The following DNAJC8 variants were observed in gnomAD, a reference collection of about 807,000 sequenced individuals.
DNAJC8 encodes dnaJ homolog subfamily C member 8.
DNAJC8 carries 24 observed loss-of-function variants against 43.2 expected under a neutral mutation model. The observed-to-expected ratio is 0.56, with a 90% CI of 0.40 to 0.78. DNAJC8 has a LOEUF of 0.78. Among genes scored for constraint, DNAJC8 ranks in the 30% least tolerant of loss-of-function variants. The pLI is 0.00. For synonymous variants in DNAJC8, 83 were observed against 98.0 expected (o/e 0.85, Z 0.90); for missense variants, 207 against 299.4 (o/e 0.69, Z 2.28).
chr1:28,205,263 A>G lies in DNAJC8; in HGVS notation c.558T>C (p.His186=). The part of the protein sequence containing the change: ...KRKEREAKEM[H]ERKRQREEEI... ...ATGAATATACTGATATGTACCTTTC[A>G]TGCATCTCTTTGGCTTCTCTCTCTT... is the stretch of plus-strand genomic sequence containing the variant. Residue 186 remains histidine, a synonymous_variant, in exon 7 of 9, where the codon CAT becomes CAC. Transcript: ENST00000263697. 1.2e-6 allele frequency: 2 copies of G among 1,610,348 alleles called. No homozygotes were observed. The highest frequency in any genetic ancestry group is 1.7e-6 in the Non-Finnish European group (2 of 1,177,762).
chr1:28,206,927 A>C (rs2149015430), intron 6 of DNAJC8, among the ~76,000 whole-genome samples: 1 of 152,338 alleles, frequency 6.6e-6, no homozygotes, highest in East Asian at 1.9e-4. Flanking sequence ...CAAACATCAA[A>C]GGGATAAAGG....
chr1:28,228,365 A>G (rs1037732461), intron 2 of DNAJC8, among the ~76,000 whole-genome samples: 2 of 151,642 alleles, frequency 1.3e-5, no homozygotes, highest in African/African-American at 4.8e-5. Context: ...AAAAAAAAAA[A>G]AAAAGAATCC....
intron 2 of DNAJC8, among the ~76,000 whole-genome samples, chr1:28,221,943 T>C (rs1232823889): frequency 2.6e-5 from 4 of 152,078 alleles, no homozygotes; most frequent in African/African-American, 4.8e-5. Context: ...TGCTACAACA[T>C]TGAAGAACCC....
Position 28,214,968 on chromosome 1 carries a change from T to C in DNAJC8, c.209A>G (p.Asp70Gly), listed in dbSNP as rs1212045545. ...CCGAAACCTCTTTTTTATTTCTTCA[T>C]CTGTAACTTCAGGATCTATCTGAAG... ...EVLQIDPEVT[D>G]EEIKKRFRQL... Residue 70 changes from aspartate (D) to glycine (G), a missense_variant, in exon 3 of 9, where the codon GAT becomes GGT. By Grantham distance (94) the Asp-to-Gly change is moderately conservative. This residue lies in a region of DNAJC8 where 159 missense variants were observed against 267.5 expected (regional missense o/e 0.59). Coordinates refer to ENST00000263697, the MANE Select transcript of DNAJC8 (RefSeq NM_014280.3). 3.1e-6 allele frequency: 5 copies of C among 1,609,102 alleles called. 1 individual carries two copies. The South Asian group carries it at 4.4e-5, about 14-fold the overall frequency.
intron 2 of DNAJC8, 142 bp from the exon 3 acceptor site, chr1:28,215,138 T>C: frequency 3.7e-6 from 2 of 543,728 alleles, no homozygotes; most frequent in Non-Finnish European, 6.3e-6. Context: ...CACACAGTTC[T>C]AGAAATTGCT....
chr1:28,220,336 T>C (rs1440273668), intron 2 of DNAJC8, among the ~76,000 whole-genome samples: 1 of 152,244 alleles, frequency 6.6e-6, no homozygotes, highest in Non-Finnish European at 1.5e-5. Flanking sequence ...GCCAGCTTTA[T>C]ACATTCAGTA....
intron 2 of DNAJC8, among the ~76,000 whole-genome samples, chr1:28,224,681 G>A (rs951612085): frequency 1.3e-5 from 2 of 152,044 alleles, no homozygotes; most frequent in Non-Finnish European, 2.9e-5. Context: ...TCAGGAGTTC[G>A]AGACAAGCCT....
chr1:28,207,645 T>C (rs942828238), intron 6 of DNAJC8, among the ~76,000 whole-genome samples: 1 of 147,002 alleles, frequency 6.8e-6, no homozygotes, highest in African/African-American at 2.5e-5. Context: ...GGTTTCACCA[T>C]GTTGGCCCGG....
chr1:28,205,335 T>G lies in DNAJC8; in HGVS notation c.486A>C (p.Val162=). The G allele has an allele frequency of 6.2e-7, 1 of 1,608,534 alleles. No individual in the cohort carries two copies. Among genetic ancestry groups the G allele is most frequent in the Non-Finnish European group, 8.5e-7 (1 of 1,178,630 alleles). The stretch of plus-strand genomic sequence containing the variant: ...CAAAGAGTTTCATTGTCTGTTTATA[T>G]ACAGCTTGTTTGAACTACAGGAAAA... ...EDDPELFKQA[V]YKQTMKLFAE... Residue 162 remains valine (V), a synonymous_variant, in exon 7 of 9, where the codon GTA becomes GTC. Coordinates refer to ENST00000263697, the MANE Select transcript of DNAJC8 (RefSeq NM_014280.3).
chr1:28,224,658 G>A (rs1338666004), intron 2 of DNAJC8, among the ~76,000 whole-genome samples: 2 of 152,104 alleles, frequency 1.3e-5, no homozygotes, highest in Non-Finnish European at 2.9e-5. Context: ...GCTGAGGAGG[G>A]CGGATCATGA....
intron 2 of DNAJC8, among the ~76,000 whole-genome samples, chr1:28,218,385 G>A (rs1433028483): frequency 2.6e-5 from 4 of 151,390 alleles, no homozygotes; most frequent in Admixed American, 2.0e-4. Context: ...GTGAGCCACC[G>A]CACCCAGCCT....
chr1:28,210,666 A>C (rs374560760), intron 3 of DNAJC8, 29 bp from the exon 4 acceptor site: 28 of 1,589,632 alleles, frequency 1.8e-5, no homozygotes, highest in Non-Finnish European at 2.3e-5. Context: ...TGGGGTTGTC[A>C]ATAAGGGAAA....
chr1:28,232,827 A>G, intron 1 of DNAJC8, 94 bp downstream of exon 1: 3 of 1,374,604 alleles, frequency 2.2e-6, no homozygotes, highest in Non-Finnish European at 3.0e-6. Context: ...GAATCGCCCA[A>G]CGGTCCAGGC....
At chr1:28,215,098 T>C (rs1646842026) in intron 2 of DNAJC8, 102 bp from the exon 3 acceptor site, 1 of 910,452 alleles carries the variant, frequency 1.1e-6, no homozygotes, top group African/African-American at 1.7e-5. Context: ...GCATCTAGAA[T>C]AGTACCCCAT....
chr1:28,213,958 G>C (rs567365385), intron 3 of DNAJC8, among the ~76,000 whole-genome samples: 21 of 152,282 alleles, frequency 1.4e-4, no homozygotes, highest in African/African-American at 4.8e-4. Context: ...ACAGGTTGCA[G>C]TGAGCCAAGA....
At chr1:28,211,001 C>A (rs1225680106) in intron 3 of DNAJC8, among the ~76,000 whole-genome samples, 2 of 152,026 alleles carry the variant, frequency 1.3e-5, no homozygotes, top group Non-Finnish European at 2.9e-5. Context: ...AAGACCCTGT[C>A]TCTACAAAAA....
chr1:28,205,946 G>C (rs1052011595), intron 6 of DNAJC8, among the ~76,000 whole-genome samples: 1 of 152,088 alleles, frequency 6.6e-6, no homozygotes, highest in African/African-American at 2.4e-5. Context: ...CGTTTCAAGA[G>C]GCTAAGACAG....
chr1:28,202,168 T>A (rs1646738430), intron 8 of DNAJC8, among the ~76,000 whole-genome samples: 1 of 152,166 alleles, frequency 6.6e-6, no homozygotes, highest in Non-Finnish European at 1.5e-5. Flanking sequence ...GAACGCAGGA[T>A]GAGCTGCAGG....
intron 6 of DNAJC8, among the ~76,000 whole-genome samples, chr1:28,205,874 G>C (rs889541007): frequency 5.3e-5 from 8 of 151,806 alleles, no homozygotes; most frequent in African/African-American, 1.9e-4. Flanking sequence ...GGCAACAAGA[G>C]GGAAACTCCG....
Sources: gnomAD v4.1 joint callset for allele counts (sites outside exome capture counted in the v4.1 genomes callset) on GRCh38, gnomAD v4.1.1 for gene constraint, gnomAD v4.1.1 regional missense constraint, MANE v1.5 for transcripts, NCBI Gene and HGNC (gene_info 2026-07-23, HGNC 2026-07-21) for gene names.